DOCK10: variants seen among roughly 807,000 people sequenced by gnomAD.
DOCK10 encodes the protein dedicator of cytokinesis protein 10.
Under a neutral mutation model 280.1 loss-of-function variants are expected in DOCK10, and 145 were observed. That is an observed-to-expected ratio of 0.52 (90% CI 0.45 to 0.59). The LOEUF is 0.59. DOCK10 is among the 20% of genes least tolerant of loss of function. DOCK10 has a pLI of 0.00. For missense variants in DOCK10, 2,368 were observed against 2,651.7 expected, an observed-to-expected ratio of 0.89 and a Z score of 2.35; for synonymous variants, 915 against 942.2, an observed-to-expected ratio of 0.97 and a Z score of 0.53.
Position 224,845,293 on chromosome 2 carries a change from G to T in DOCK10, c.2391C>A (p.His797Gln), listed in dbSNP as rs1205619263. The change falls in exon 21 of 56, where the codon CAC becomes CAA. Residue 797 changes from histidine to glutamine, a missense_variant. Around this residue, in one of 2 missense-constraint regions of DOCK10, gnomAD observed 1,209 missense variants for 1,250.9 expected, o/e 0.97. Coordinates refer to ENST00000258390, the MANE Select transcript of DOCK10 (RefSeq NM_014689.3). The stretch of plus-strand genomic sequence containing the variant: ...TGTACTCTTGAGAAGCTATCTGATC[G>T]TGTTTCATCAGAGGAAGCCAAGCAT... ...VGYAWLPLMK[H>Q]DQIASQEYNI... 1 of 1,590,020 alleles carries T rather than the reference G, an allele frequency of 6.3e-7. No individual in the cohort carries two copies.
At chr2:225,016,107 T>C (rs1448856860) in intron 1 of DOCK10, among the ~76,000 whole-genome samples, 2 of 152,208 alleles carry the variant, frequency 1.3e-5, no homozygotes, top group Non-Finnish European at 2.9e-5. Context: ...TGCTCTATTA[T>C]GGCCACTTCA....
intron 1 of DOCK10, among the ~76,000 whole-genome samples, chr2:224,998,155 C>T (rs1425376399): frequency 6.6e-6 from 1 of 152,090 alleles, no homozygotes; most frequent in Admixed American, 6.5e-5. Context: ...TCATGGTGCC[C>T]TGGGATTCTA....
At chr2:224,787,543 G>C (rs1691820193) in intron 48 of DOCK10, 146 bp from the exon 49 acceptor site, 2 of 1,006,610 alleles carry the variant, frequency 2.0e-6, no homozygotes. Flanking sequence ...GTGTCATCTT[G>C]GATTCTTGCC....
At chr2:224,905,583 C>A (rs1170283230) in intron 3 of DOCK10, among the ~76,000 whole-genome samples, 1 of 152,166 alleles carries the variant, frequency 6.6e-6, no homozygotes. Flanking sequence ...ATGCTTTGGG[C>A]ACTCTGCCTG....
intron 40 of DOCK10, among the ~76,000 whole-genome samples, chr2:224,800,794 GC>G (rs1692929385): frequency 6.6e-6 from 1 of 152,168 alleles, no homozygotes; most frequent in Non-Finnish European, 1.5e-5. Flanking sequence ...CTGTGACACA[GC>G]CCTCAGGAAA....
chr2:224,952,621 C>CTT, intron 1 of DOCK10, among the ~76,000 whole-genome samples: 1 of 144,346 alleles, frequency 6.9e-6, no homozygotes, highest in South Asian at 2.2e-4. Context: ...GAGACGGAGT[C>CTT]TTGCTCTGTC....
chr2:225,041,070 C>T (rs1559993768), intron 1 of DOCK10, among the ~76,000 whole-genome samples: 2 of 152,146 alleles, frequency 1.3e-5, no homozygotes, highest in African/African-American at 2.4e-5. Context: ...CCCCTGGGCA[C>T]CCGATGCCTC....
intron 1 of DOCK10, among the ~76,000 whole-genome samples, chr2:224,959,985 T>G (rs536006358): frequency 6.6e-6 from 1 of 152,274 alleles, no homozygotes; most frequent in African/African-American, 2.4e-5. Context: ...TACCTTGATT[T>G]TCCTATGGGG....
chr2:224,977,938 C>T (rs1178808224), intron 1 of DOCK10, among the ~76,000 whole-genome samples: 1 of 152,186 alleles, frequency 6.6e-6, no homozygotes, highest in Non-Finnish European at 1.5e-5. Context: ...TGAAGGGTAT[C>T]AATATTCAAA....
At chr2:224,773,442 G>A (rs1319691057) in intron 52 of DOCK10, 95 bp from the exon 53 acceptor site, 53 of 1,079,444 alleles carry the variant, frequency 4.9e-5, no homozygotes, top group Non-Finnish European at 6.7e-5. Context: ...ATCATTTCAC[G>A]GCACATGGCA....
At chr2:224,903,377 A>G (rs1700420473) in intron 3 of DOCK10, among the ~76,000 whole-genome samples, 1 of 152,200 alleles carries the variant, frequency 6.6e-6, no homozygotes, top group Non-Finnish European at 1.5e-5. Context: ...GGGGAAAATC[A>G]TTTTAAGACG....
intron 1 of DOCK10, among the ~76,000 whole-genome samples, chr2:224,959,123 C>T (rs1704216493): frequency 2.6e-5 from 4 of 152,208 alleles, no homozygotes. Flanking sequence ...TCTTCTTTCT[C>T]ACTGCCCATA....
chr2:225,035,570 A>ATATTATATATATATATATATATAT (rs1553634921), intron 1 of DOCK10, among the ~76,000 whole-genome samples: 29 of 58,230 alleles, frequency 5.0e-4, no homozygotes, highest in Non-Finnish European at 8.9e-4. Flanking sequence ...ATATATATAT[A>ATATTATATATATATATATATATAT]TATATATATA....
intron 1 of DOCK10, among the ~76,000 whole-genome samples, chr2:225,012,829 A>G (rs1347892310): frequency 1.3e-5 from 2 of 152,246 alleles, no homozygotes; most frequent in African/African-American, 2.4e-5. Context: ...AAGAAAATTA[A>G]AGCCCAGGAA....
chr2:224,796,284 T>C, intron 44 of DOCK10, 32 bp downstream of exon 44: 7 of 1,329,132 alleles, frequency 5.3e-6, no homozygotes, highest in Non-Finnish European at 7.4e-6. Flanking sequence ...TTAAAAAAAT[T>C]CTGCAGTAAA....
intron 1 of DOCK10, among the ~76,000 whole-genome samples, chr2:225,030,306 G>T (rs775672001): frequency 6.6e-6 from 1 of 152,188 alleles, no homozygotes; most frequent in Non-Finnish European, 1.5e-5. Context: ...AACGAAAGGA[G>T]AATTTTTAAG....
chr2:224,816,286 A>T (rs950006506), intron 30 of DOCK10, among the ~76,000 whole-genome samples: 6 of 150,872 alleles, frequency 4.0e-5, no homozygotes, highest in Non-Finnish European at 7.4e-5. Flanking sequence ...TCAAAATGAA[A>T]GGAAAGCTGT....
chr2:224,800,961 T>C (rs1172123264), intron 40 of DOCK10, among the ~76,000 whole-genome samples: 1 of 152,054 alleles, frequency 6.6e-6, no homozygotes. Context: ...TTCCAGGTTA[T>C]AGGTGTATTC....
At chr2:224,887,339 T>C (rs932225097) in intron 4 of DOCK10, among the ~76,000 whole-genome samples, 5 of 152,162 alleles carry the variant, frequency 3.3e-5, no homozygotes, top group African/African-American at 1.2e-4. Flanking sequence ...TCCCTAACCA[T>C]GGCCTCCTCA....
Sources: gnomAD v4.1 joint callset for allele counts (sites outside exome capture counted in the v4.1 genomes callset) on GRCh38, gnomAD v4.1.1 for gene constraint, gnomAD v4.1.1 regional missense constraint, MANE v1.5 for transcripts, NCBI Gene and HGNC (gene_info 2026-07-23, HGNC 2026-07-21) for gene names.